The following CFH variants were observed in gnomAD, a reference collection of about 807,000 sequenced individuals.
CFH encodes H factor 1 (complement).
In CFH, 53 loss-of-function variants were observed where a neutral mutation model predicts 147.3. The observed-to-expected ratio is 0.36, with a 90% CI of 0.29 to 0.45. The LOEUF (loss-of-function observed/expected upper bound fraction) is 0.45. CFH is among the 20% of genes least tolerant of loss of function. CFH has a pLI of 1.00. For synonymous variants in CFH, 536 were observed against 489.4 expected, an observed-to-expected ratio of 1.10 and a Z score of -1.26; for missense variants, 1,380 against 1,498.0, an observed-to-expected ratio of 0.92 and a Z score of 1.30.
chr1:196,744,744 T>G (rs1156471203), intron 20 of CFH, among the ~76,000 whole-genome samples: 1 of 152,182 alleles, frequency 6.6e-6, no homozygotes, highest in Non-Finnish European at 1.5e-5. Context: ...GAAAAAGATA[T>G]CCTGTTATAT....
At chr1:196,714,267 C>T (rs78673193) in intron 10 of CFH, among the ~76,000 whole-genome samples, 2,212 of 151,862 alleles carry the variant, frequency 0.015, 58 homozygotes, top group African/African-American at 0.05. Context: ...TTCTTTACTC[C>T]TAGATACAAA....
At chr1:196,727,823 G>C (rs1420207834) in intron 14 of CFH, among the ~76,000 whole-genome samples, 4 of 152,164 alleles carry the variant, frequency 2.6e-5, no homozygotes, top group Non-Finnish European at 5.9e-5. Context: ...GTCAGGGACT[G>C]AGTCAGGACG....
chr1:196,703,841 G>A (rs1191101984), intron 9 of CFH, among the ~76,000 whole-genome samples: 5 of 151,684 alleles, frequency 3.3e-5, no homozygotes, highest in East Asian at 2.0e-4. Flanking sequence ...AAAATTAGTC[G>A]GGCATGGTGG....
At chr1:196,711,807 A>G (rs1558172094) in intron 9 of CFH, among the ~76,000 whole-genome samples, 1 of 151,922 alleles carries the variant, frequency 6.6e-6, no homozygotes, top group East Asian at 1.9e-4. Context: ...GTTCTCTGGT[A>G]GTGTTCTTCA....
rs34018998 is a variant in CFH at position 196,728,733 on chromosome 1, G to GCACACACA, written c.2413+230_2413+237dup. Among the ~76,000 whole-genome samples the GCACACACA allele has an allele frequency of 1.2e-4, 18 of 145,146 alleles. 1 individual carries two copies. The highest frequency in any genetic ancestry group is 4.0e-4 in the African/African-American group (16 of 39,690). On this transcript the variant is annotated intron_variant, in intron 15 of 21. Coordinates refer to ENST00000367429, the MANE Select transcript of CFH (RefSeq NM_000186.4). ...AGTATAAACACACACACACACACAC[G>GCACACACA]CACACACACACACACACACACACAC...
chr1:196,673,498 G>C (rs1291527198), intron 2 of CFH: 1 of 370,144 alleles, frequency 2.7e-6, no homozygotes, highest in South Asian at 2.4e-5. Flanking sequence ...CACCACGCCC[G>C]GCTAATTTTT....
At chr1:196,701,147 G>A (rs1461515245) in intron 9 of CFH, among the ~76,000 whole-genome samples, 2 of 152,166 alleles carry the variant, frequency 1.3e-5, no homozygotes, top group African/African-American at 4.8e-5. Flanking sequence ...CTTGTTATAT[G>A]TATTTATGTT....
At chr1:196,698,456 A>G (rs969928463) in intron 9 of CFH, among the ~76,000 whole-genome samples, 1 of 152,164 alleles carries the variant, frequency 6.6e-6, no homozygotes, top group Admixed American at 6.5e-5. Context: ...CTACACAAAT[A>G]AAGTAGAAAA....
chr1:196,688,516 AT>A (rs1375308225), intron 7 of CFH, among the ~76,000 whole-genome samples: 1 of 152,012 alleles, frequency 6.6e-6, no homozygotes, highest in Non-Finnish European at 1.5e-5. Flanking sequence ...TAACTATGTT[AT>A]TTTTCTGCGC....
At chr1:196,667,851 T>C (rs752139635) in intron 1 of CFH, among the ~76,000 whole-genome samples, 9 of 152,162 alleles carry the variant, frequency 5.9e-5, no homozygotes, top group Non-Finnish European at 1.2e-4. Context: ...ATTGGTTTAG[T>C]GGCTAACTTA....
At chr1:196,736,224 A>C (rs369051428) in intron 15 of CFH, among the ~76,000 whole-genome samples, 2 of 152,108 alleles carry the variant, frequency 1.3e-5, no homozygotes, top group African/African-American at 4.8e-5. Flanking sequence ...AAATATCCCT[A>C]AACAGTACAG....
At chr1:196,710,954 A>C (rs1260043592) in intron 9 of CFH, among the ~76,000 whole-genome samples, 1 of 152,106 alleles carries the variant, frequency 6.6e-6, no homozygotes, top group Non-Finnish European at 1.5e-5. Context: ...TTTTTAATTC[A>C]TTCAAGTTCT....
At position 196,672,897 on chromosome 1, in the gene CFH, T is replaced by C. The variant is rs776602859; in HGVS notation, c.59-81T>C. The C allele has an allele frequency of 3.6e-5, 44 of 1,210,740 alleles. No homozygotes were observed. In the Middle Eastern group the frequency reaches 1.0e-3, roughly 27 times the overall value. The allele number at this position is 1,210,740 out of a possible 1,614,324, so 75.0% of individuals were successfully genotyped here. On this transcript the variant is annotated intron_variant, in intron 1 of 21. Coordinates refer to ENST00000367429, the MANE Select transcript of CFH (RefSeq NM_000186.4). ...GATAGACCTGTGACTGTCTAGGCAT[T>C]TTTAAAAGCAACAATTACCTAAATA...
intron 9 of CFH, among the ~76,000 whole-genome samples, chr1:196,696,169 A>G (rs960877530): frequency 1.3e-5 from 2 of 152,072 alleles, no homozygotes; most frequent in African/African-American, 4.8e-5. Context: ...TCTTCTTGGC[A>G]CTACATAGCA....
chr1:196,680,612 T>C (rs192642138), intron 6 of CFH, among the ~76,000 whole-genome samples: 1 of 152,006 alleles, frequency 6.6e-6, no homozygotes, highest in African/African-American at 2.4e-5. Flanking sequence ...GTGGGTTTGC[T>C]TTTGATGAGG....
At chr1:196,729,581 G>T (rs1576340) in intron 15 of CFH, among the ~76,000 whole-genome samples, 29,513 of 151,768 alleles carry the variant, frequency 0.19, 3,501 homozygotes, top group East Asian at 0.39. Flanking sequence ...GTCTGGTTTT[G>T]GTTCCAGAGT....
At chr1:196,690,612 C>A (rs1272699983) in intron 9 of CFH, among the ~76,000 whole-genome samples, 1 of 151,938 alleles carries the variant, frequency 6.6e-6, no homozygotes, top group East Asian at 1.9e-4. Flanking sequence ...AGTTTAGGAG[C>A]ACAGGTTTAA....
At chr1:196,702,089 C>T (rs1460674465) in intron 9 of CFH, among the ~76,000 whole-genome samples, 1 of 152,080 alleles carries the variant, frequency 6.6e-6, no homozygotes, top group Non-Finnish European at 1.5e-5. Flanking sequence ...AAATTAAAGA[C>T]TGTTTGGACT....
In CFH at chr1:196,714,639, A is replaced by G. The variant is rs866400769; in HGVS notation, c.1519+722A>G. On this transcript the variant is annotated intron_variant, in intron 10 of 21. Coordinates refer to ENST00000367429, the MANE Select transcript of CFH (RefSeq NM_000186.4). The stretch of plus-strand genomic sequence containing the variant: ...TGTGTGTGTATACGTATATATGTAT[A>G]TATATATATATATATATATATATAT... Among the ~76,000 whole-genome samples, 13 of 21,418 alleles carry G rather than the reference A, an allele frequency of 6.1e-4. 1 individual carries two copies. The highest frequency in any genetic ancestry group is 2.4e-3 in the Admixed American group (4 of 1,648). The allele number at this position is 21,418 out of a possible 152,430, so 14.1% of individuals were successfully genotyped here. A position where few individuals can be genotyped will look rare whatever the true frequency, so the allele number is the denominator to read the frequency against.
Sources: gnomAD v4.1 joint callset for allele counts (sites outside exome capture counted in the v4.1 genomes callset) on GRCh38, gnomAD v4.1.1 for gene constraint, MANE v1.5 for transcripts, NCBI Gene and HGNC (gene_info 2026-07-23, HGNC 2026-07-21) for gene names.